ATXN8OS: variants seen among roughly 807,000 people sequenced by gnomAD.
ATXN8OS encodes the protein ATXN8 opposite strand lncRNA, also known as ATXN8 opposite strand (non-protein coding).
intron 4 of ATXN8OS, among the ~76,000 whole-genome samples, chr13:70,167,549 T>C (rs966887970): frequency 3.3e-5 from 5 of 151,782 alleles, no homozygotes; most frequent in Admixed American, 6.6e-5. Flanking sequence ...TTAGGAGATA[T>C]ACCTAATGCT....
At chr13:70,144,781 A>C (rs2137494838) in intron 3 of ATXN8OS, among the ~76,000 whole-genome samples, 1 of 152,264 alleles carries the variant, frequency 6.6e-6, no homozygotes, top group South Asian at 2.1e-4. Flanking sequence ...AAATCATCTA[A>C]GTGACCCACT....
chr13:70,131,736 A>C (rs1398836698), intron 3 of ATXN8OS, among the ~76,000 whole-genome samples: 2 of 152,020 alleles, frequency 1.3e-5, no homozygotes, highest in African/African-American at 4.8e-5. Flanking sequence ...TTCCTTCATA[A>C]CACTTTGGTA....
chr13:70,157,501 T>G (rs1454272827), intron 4 of ATXN8OS, among the ~76,000 whole-genome samples: 1 of 107,400 alleles, frequency 9.3e-6, no homozygotes, highest in Non-Finnish European at 2.5e-5. Flanking sequence ...TGGACTCACA[T>G]GACTAAGATA....
rs879063589 is a variant in ATXN8OS, at chr13:70,139,377, A to ACTG, written n.500-7976_500-7975insGCT. On this transcript the variant is annotated intron_variant and non_coding_transcript_variant, in intron 3 of 4. Transcript: ENST00000678624. ...TACTACTACTACTACTACTACTACT[A>ACTG]CTACTACTGCTGCTGCTGCTGCTGC... 2,042 of 645,712 alleles carry ACTG rather than the reference A, an allele frequency of 3.2e-3. 21 individuals are homozygous for ACTG. Among genetic ancestry groups the ACTG allele is most frequent in the African/African-American group, 7.9e-3 (355 of 45,114 alleles). 40.0% of individuals were successfully genotyped at this position (645,712 alleles called of 1,614,324 possible).
chr13:70,137,193 A>T (rs1032585475), intron 3 of ATXN8OS, among the ~76,000 whole-genome samples: 1 of 152,212 alleles, frequency 6.6e-6, no homozygotes, highest in Admixed American at 6.6e-5. Context: ...TTTCTTTAAA[A>T]ATCTTGTCAA....
rs1285944580 is a variant in ATXN8OS at position 70,159,112 on chromosome 13, AC to A, written n.574-10640del. ...CATTACTAGATAATACTATAGTTCA[AC>A]GTATTTTAGATCTCCTTACTAATTA... On this transcript the variant is annotated intron_variant and non_coding_transcript_variant, in intron 4 of 4. Coordinates refer to ENST00000678624, the Ensembl canonical transcript of ATXN8OS. Among the ~76,000 whole-genome samples, 2 of 151,922 alleles carry A rather than the reference AC, an allele frequency of 1.3e-5. 1 individual carries two copies. Among genetic ancestry groups the A allele is most frequent in the African/African-American group, 4.8e-5 (2 of 41,360 alleles).
At chr13:70,115,034 G>C (rs1888253887) in intron 1 of ATXN8OS, 6 of 393,824 alleles carry the variant, frequency 1.5e-5, no homozygotes, top group Admixed American at 4.4e-5. Flanking sequence ...TAACGTGTGT[G>C]TGTGTGTGTG....
chr13:70,127,471 AACAT>A (rs1453189913), intron 2 of ATXN8OS, among the ~76,000 whole-genome samples: 1 of 152,060 alleles, frequency 6.6e-6, no homozygotes, highest in Admixed American at 6.6e-5. Context: ...AAAATAAACT[AACAT>A]AGAGAGGTAT....
chr13:70,146,179 G>A (rs1236911881), intron 3 of ATXN8OS, among the ~76,000 whole-genome samples: 1 of 150,336 alleles, frequency 6.7e-6, no homozygotes, highest in African/African-American at 2.5e-5. Flanking sequence ...ATCATCACTG[G>A]CCATCAGAGA....
At chr13:70,140,099 A>G (rs1888689928) in intron 3 of ATXN8OS, among the ~76,000 whole-genome samples, 1 of 152,118 alleles carries the variant, frequency 6.6e-6, no homozygotes, top group Non-Finnish European at 1.5e-5. Context: ...GTCAGAGCCT[A>G]ATTATTACTC....
Position 70,138,892 on chromosome 13 carries a change from A to C in ATXN8OS, n.500-8463A>C, listed in dbSNP as rs114001561. Among the ~76,000 whole-genome samples, 925 of 152,220 alleles carry C rather than the reference A, an allele frequency of 6.1e-3. 10 individuals carry two copies. The highest frequency in any genetic ancestry group is 0.019 in the African/African-American group (788 of 41,558). On this transcript the variant is annotated intron_variant and non_coding_transcript_variant, in intron 3 of 4. Coordinates refer to ENST00000678624, the Ensembl canonical transcript of ATXN8OS. The stretch of plus-strand genomic sequence containing the variant: ...AGTAGTTATAGTGGTTGATTCAATG[A>C]AAGACTTATTGGAATTCATGCCTAT...
At chr13:70,148,747 T>A (rs1458974235) in intron 4 of ATXN8OS, among the ~76,000 whole-genome samples, 1 of 152,120 alleles carries the variant, frequency 6.6e-6, no homozygotes, top group Non-Finnish European at 1.5e-5. Flanking sequence ...GTGTTTTTAG[T>A]CTCTATCAAG....
chr13:70,153,004 T>C (rs1054418435), intron 4 of ATXN8OS, among the ~76,000 whole-genome samples: 6 of 124,650 alleles, frequency 4.8e-5, no homozygotes, highest in Non-Finnish European at 9.9e-5. Context: ...AGAGAATGAA[T>C]AAGAAAAAAC....
chr13:70,123,589 G>A (rs1323980650), intron 2 of ATXN8OS, among the ~76,000 whole-genome samples: 1 of 152,052 alleles, frequency 6.6e-6, no homozygotes, highest in African/African-American at 2.4e-5. Context: ...AAATACTACT[G>A]ATAGGTAAGA....
At chr13:70,153,045 TG>T (rs1288076148) in intron 4 of ATXN8OS, among the ~76,000 whole-genome samples, 8 of 151,430 alleles carry the variant, frequency 5.3e-5, no homozygotes, top group African/African-American at 1.9e-4. Context: ...TGTGTGTGTG[TG>T]TGTGTGTGTA....
At chr13:70,152,254 C>T (rs1185135670) in intron 4 of ATXN8OS, among the ~76,000 whole-genome samples, 1 of 152,030 alleles carries the variant, frequency 6.6e-6, no homozygotes, top group Non-Finnish European at 1.5e-5. Context: ...AGAAAGGACT[C>T]TCTGAGCTTC....
intron 1 of ATXN8OS, among the ~76,000 whole-genome samples, chr13:70,111,099 C>T (rs966366767): frequency 1.3e-5 from 2 of 152,066 alleles, no homozygotes; most frequent in African/African-American, 4.8e-5. Flanking sequence ...AAAGGTTAAT[C>T]GGGATACAGA....
chr13:70,155,813 AG>A (rs1309833128), intron 4 of ATXN8OS, among the ~76,000 whole-genome samples: 1 of 151,856 alleles, frequency 6.6e-6, no homozygotes, highest in African/African-American at 2.4e-5. Context: ...AAAAATGAAA[AG>A]AAAAAAAGGA....
rs147043583 is a variant in ATXN8OS at position 70,130,306 on chromosome 13, C to T, written n.499+422C>T. On this transcript the variant is annotated intron_variant and non_coding_transcript_variant, in intron 3 of 4. Coordinates refer to ENST00000678624, the Ensembl canonical transcript of ATXN8OS. Reference sequence around the variant, plus strand: ...GCAGTTAAAAACAAATAGGTCTTTACTCAACCATGACTTTAAAATTAAGGA... The same window carrying T: ...GCAGTTAAAAACAAATAGGTCTTTATTCAACCATGACTTTAAAATTAAGGA... Among the ~76,000 whole-genome samples, 19 of 152,228 alleles carry T rather than the reference C, an allele frequency of 1.2e-4. No homozygotes were observed. In the East Asian group the frequency reaches 2.7e-3, roughly 22 times the overall value.
Sources: allele counts gnomAD v4.1 joint callset (sites outside exome capture counted in the v4.1 genomes callset), GRCh38; gene constraint gnomAD v4.1.1; transcripts MANE v1.5; gene names NCBI Gene and HGNC (gene_info 2026-07-23, HGNC 2026-07-21).